Variants in DNAH17 observed in about 807,000 individuals in gnomAD.
The protein encoded by DNAH17 is dynein axonemal heavy chain 17, also known as axonemal beta dynein heavy chain 17.
In DNAH17, 376 loss-of-function variants were observed where a neutral mutation model predicts 485.6. The ratio of observed to expected loss-of-function variants is 0.77; its 90% CI spans 0.71 to 0.84. DNAH17 has a LOEUF of 0.84. DNAH17 is among the 40% of genes least tolerant of loss of function. DNAH17 has a pLI of 0.00. For synonymous variants in DNAH17, 3,031 were observed against 2,405.9 expected (o/e 1.26, Z -7.60); for missense variants, 6,370 against 5,839.3 (o/e 1.09, Z -2.96).
At chr17:78,444,168 C>T (rs1487407748) in intron 71 of DNAH17, among the ~76,000 whole-genome samples, 2 of 152,140 alleles carry the variant, frequency 1.3e-5, no homozygotes, top group Non-Finnish European at 2.9e-5. Context: ...TTGTTTTCTC[C>T]CTCAAAACAT....
At chr17:78,498,763 C>A (rs1288858409) in intron 37 of DNAH17, 3 of 346,890 alleles carry the variant, frequency 8.6e-6, no homozygotes, top group Admixed American at 4.8e-5. Flanking sequence ...AATTATTCTC[C>A]CACCTGTATT....
At chr17:78,554,434 C>A (rs138754012) in intron 14 of DNAH17, among the ~76,000 whole-genome samples, 7,202 of 38,778 alleles carry the variant, frequency 0.19, 405 homozygotes, top group Middle Eastern at 0.31. Context: ...GAGACTCTGT[C>A]TCAAAAAAAA....
chr17:78,491,133 T>C (rs889711398), intron 43 of DNAH17, among the ~76,000 whole-genome samples: 1 of 152,264 alleles, frequency 6.6e-6, no homozygotes, highest in African/African-American at 2.4e-5. Flanking sequence ...TGTTCCTTCC[T>C]GCATCCAACT....
chr17:78,498,411 G>A (rs140724337), intron 37 of DNAH17, among the ~76,000 whole-genome samples: 54 of 152,270 alleles, frequency 3.5e-4, no homozygotes, highest in African/African-American at 7.5e-4. Context: ...CCCAGCATGC[G>A]TCAGGATCAC....
intron 48 of DNAH17, among the ~76,000 whole-genome samples, chr17:78,484,558 A>T (rs977645391): frequency 2.6e-5 from 3 of 114,078 alleles, no homozygotes; most frequent in Non-Finnish European, 5.8e-5. Context: ...ACCTCGGTGG[A>T]AGGGGGGAAG....
rs551728723 is a variant in DNAH17, at chr17:78,502,756, G to A, written c.5083-58C>T. On this transcript the variant is annotated intron_variant, in intron 32 of 80. Coordinates refer to ENST00000389840, the MANE Select transcript of DNAH17 (RefSeq NM_173628.4). ...TGAGCGATCGCTGGCGCCTGCTAAC[G>A]CAGACATTCCTGCTGAAAGCTTAGA... 15 of 1,597,252 alleles carry A rather than the reference G, an allele frequency of 9.4e-6. No homozygotes were observed. In the South Asian group the frequency reaches 1.0e-4, roughly 11 times the overall value.
chr17:78,566,849 T>G, intron 10 of DNAH17, 119 bp from the exon 11 acceptor site: 1 of 1,303,692 alleles, frequency 7.7e-7, no homozygotes, highest in Non-Finnish European at 1.1e-6. Context: ...AATGTGCTGT[T>G]GCGGGGACCG....
intron 37 of DNAH17, among the ~76,000 whole-genome samples, chr17:78,498,450 G>A (rs1270368605): frequency 6.6e-6 from 1 of 152,232 alleles, no homozygotes; most frequent in Non-Finnish European, 1.5e-5. Flanking sequence ...ATGCAGAAAT[G>A]CTCCTCCTAA....
chr17:78,489,736 T>C (rs1015154863), intron 44 of DNAH17, among the ~76,000 whole-genome samples: 2 of 150,924 alleles, frequency 1.3e-5, no homozygotes, highest in Non-Finnish European at 2.9e-5. Flanking sequence ...TTCATCACTC[T>C]CTACATCTTT....
intron 25 of DNAH17, among the ~76,000 whole-genome samples, chr17:78,521,272 GGT>G (rs1483388201): frequency 2.0e-5 from 3 of 152,054 alleles, no homozygotes; most frequent in Admixed American, 6.6e-5. Context: ...TGGGTGGAGT[GGT>G]GTGTGTCTGT....
chr17:78,444,131 A>T (rs1000295088), intron 71 of DNAH17, among the ~76,000 whole-genome samples: 1 of 152,242 alleles, frequency 6.6e-6, no homozygotes, highest in Admixed American at 6.5e-5. Context: ...AGGTACTCAA[A>T]GTCCTCGAAT....
intron 11 of DNAH17, among the ~76,000 whole-genome samples, chr17:78,563,613 T>C (rs910040374): frequency 6.6e-6 from 1 of 152,136 alleles, no homozygotes; most frequent in African/African-American, 2.4e-5. Context: ...CTCCTTTTCA[T>C]GTTTATATAG....
At chr17:78,511,802 T>C (rs1388014360) in intron 26 of DNAH17, among the ~76,000 whole-genome samples, 1 of 152,252 alleles carries the variant, frequency 6.6e-6, no homozygotes, top group Non-Finnish European at 1.5e-5. Flanking sequence ...GCTCCTTTCA[T>C]GGAGATATTT....
chr17:78,483,895 G>A (rs948113934), intron 48 of DNAH17, among the ~76,000 whole-genome samples: 1 of 151,880 alleles, frequency 6.6e-6, no homozygotes, highest in South Asian at 2.1e-4. Flanking sequence ...TCAGGAGTTC[G>A]AGAACAGCCT....
intron 48 of DNAH17, among the ~76,000 whole-genome samples, chr17:78,481,767 C>T (rs551970763): frequency 6.6e-6 from 1 of 152,230 alleles, no homozygotes; most frequent in Non-Finnish European, 1.5e-5. Flanking sequence ...GTAATCCTAG[C>T]ACTTTGGGAG....
At chr17:78,440,081 G>T (rs1429897504) in intron 72 of DNAH17, among the ~76,000 whole-genome samples, 16 of 151,766 alleles carry the variant, frequency 1.1e-4, no homozygotes, top group Non-Finnish European at 2.9e-5. Flanking sequence ...CCACAGGCAT[G>T]CACCACTATG....
rs564018877 is a variant in DNAH17, at chr17:78,545,923, T to C, written c.2392-1926A>G. ...TTTGCTGATTAATATTTTATGTGTA[T>C]GTATGTATGCAAGGATGTATATATG... On this transcript the variant is annotated intron_variant, in intron 16 of 80. Coordinates refer to ENST00000389840, the MANE Select transcript of DNAH17 (RefSeq NM_173628.4). Among the ~76,000 whole-genome samples, 3 of 152,294 alleles carry C rather than the reference T, an allele frequency of 2.0e-5. No homozygotes were observed. The South Asian group carries it at 6.2e-4, about 32-fold the overall frequency.
At chr17:78,436,223 T>G (rs552362976) in intron 74 of DNAH17, among the ~76,000 whole-genome samples, 11 of 152,160 alleles carry the variant, frequency 7.2e-5, no homozygotes, top group African/African-American at 2.6e-4. Flanking sequence ...GGTGAGGAGT[T>G]TAAGGCCAGC....
Position 78,500,449 on chromosome 17 carries a change from G to A in DNAH17, c.5496C>T (p.Thr1832=), listed in dbSNP as rs1167470898. ...TGATGAGATGGAGGGACTGGGTCAG[G>A]GTGATATAGCACCTGCAAGTGACCA... ...ITPLTDRCYI[T]LTQSLHLIMG... is the part of the protein sequence containing the mutation. Residue 1832 remains threonine, a synonymous_variant, in exon 36 of 81, where the codon ACC becomes ACT. Transcript: ENST00000389840. The A allele has an allele frequency of 3.2e-6, 5 of 1,585,522 alleles. No individual in the cohort carries two copies. Among genetic ancestry groups the A allele is most frequent in the Middle Eastern group, 1.7e-4 (1 of 5,898 alleles).
Sources: gnomAD v4.1 joint callset for allele counts (sites outside exome capture counted in the v4.1 genomes callset) on GRCh38, gnomAD v4.1.1 for gene constraint, MANE v1.5 for transcripts, NCBI Gene and HGNC (gene_info 2026-07-23, HGNC 2026-07-21) for gene names.